Variants in EYS observed in about 807,000 individuals in gnomAD.
EYS encodes the protein protein eyes shut homolog.
Under a neutral mutation model 282.1 loss-of-function variants are expected in EYS, and 250 were observed. That is an observed-to-expected ratio of 0.89 (90% confidence interval 0.80 to 0.98). The LOEUF (loss-of-function observed/expected upper bound fraction) is 0.98, where lower values mean the gene tolerates loss of function less well. Among genes scored for constraint, EYS ranks in the 50% least tolerant of loss-of-function variants. The probability of loss-of-function intolerance (pLI) is 0.00; values close to 1 mark genes in which losing one functional copy is unlikely to be tolerated. For missense variants in EYS, 4,016 were observed against 3,709.0 expected (o/e 1.08, Z -2.15); for synonymous variants, 1,355 against 1,282.9 (o/e 1.06, Z -1.20).
chr6:64,230,960 A>C, intron 30 of EYS, 136 bp from the exon 31 acceptor site: 1 of 504,250 alleles, frequency 2.0e-6, no homozygotes, highest in Non-Finnish European at 3.5e-6. Flanking sequence ...AGGACAAATA[A>C]AATTATCATG....
chr6:64,363,814 G>T (rs766658872), intron 29 of EYS, among the ~76,000 whole-genome samples: 2 of 151,706 alleles, frequency 1.3e-5, no homozygotes, highest in African/African-American at 4.8e-5. Flanking sequence ...AAATAAATGC[G>T]AACAACATCA....
At chr6:65,017,002 C>T (rs1772077509) in intron 13 of EYS, among the ~76,000 whole-genome samples, 1 of 152,134 alleles carries the variant, frequency 6.6e-6, no homozygotes, top group South Asian at 2.1e-4. Flanking sequence ...TGCTATCTAT[C>T]ATCTAGAAAT....
At chr6:64,336,808 G>T (rs1047486353) in intron 29 of EYS, among the ~76,000 whole-genome samples, 1 of 151,936 alleles carries the variant, frequency 6.6e-6, no homozygotes, top group African/African-American at 2.4e-5. Flanking sequence ...AACTGGAAAT[G>T]AACTCTGAAA....
At chr6:65,398,095 G>A (rs1766356365) in intron 7 of EYS, among the ~76,000 whole-genome samples, 1 of 151,812 alleles carries the variant, frequency 6.6e-6, no homozygotes, top group African/African-American at 2.4e-5. Flanking sequence ...TGACTTTTTA[G>A]TGGGGTTATT....
chr6:65,127,462 T>A (rs1241045067), intron 12 of EYS, among the ~76,000 whole-genome samples: 6 of 152,058 alleles, frequency 3.9e-5, no homozygotes, highest in Non-Finnish European at 8.8e-5. Context: ...CAAAATACAA[T>A]AAACAAACTA....
intron 28 of EYS, among the ~76,000 whole-genome samples, chr6:64,416,425 T>C (rs1176687304): frequency 6.6e-6 from 1 of 152,114 alleles, no homozygotes; most frequent in Non-Finnish European, 1.5e-5. Context: ...AGTAAACCAC[T>C]CAATTTCTGA....
chr6:64,206,883 C>T (rs1457954927), intron 31 of EYS, among the ~76,000 whole-genome samples: 6 of 151,964 alleles, frequency 3.9e-5, no homozygotes, highest in South Asian at 2.1e-4. Flanking sequence ...CATATATTTG[C>T]GTCATGGGAG....
intron 2 of EYS, among the ~76,000 whole-genome samples, chr6:65,626,648 G>A (rs549058344): frequency 5.9e-5 from 9 of 152,170 alleles, no homozygotes; most frequent in East Asian, 1.9e-4. Context: ...CCATGGACCC[G>A]AATAAGGAGT....
At chr6:65,415,995 G>A (rs975961211) in intron 5 of EYS, among the ~76,000 whole-genome samples, 5 of 152,002 alleles carry the variant, frequency 3.3e-5, no homozygotes, top group East Asian at 1.9e-4. Context: ...GGGTTACAAC[G>A]CGAGGAGAGA....
intron 19 of EYS, among the ~76,000 whole-genome samples, chr6:64,847,981 C>T (rs906719495): frequency 2.0e-5 from 3 of 151,948 alleles, no homozygotes; most frequent in African/African-American, 4.8e-5. Context: ...AATATGTGTG[C>T]CATTCTGTTT....
rs1766399494 is a variant in EYS, at chr6:64,591,234, C to T, written c.4633G>A (p.Ala1545Thr). 2 of 1,551,252 alleles carry T rather than the reference C, an allele frequency of 1.3e-6. No homozygotes were observed. Among genetic ancestry groups the T allele is most frequent in the Non-Finnish European group, 1.7e-6 (2 of 1,146,824 alleles). Reference protein sequence around the residue: ...NQRLTNIKSQAADSLRELSQT... With the variant: ...NQRLTNIKSQTADSLRELSQT... Reference sequence around the variant, plus strand: ...CTTAATTCTCTTAAAGAATCAGCAGCCTGTGATTTGATGTTTGTGAGTCTC... The same window carrying T: ...CTTAATTCTCTTAAAGAATCAGCAGTCTGTGATTTGATGTTTGTGAGTCTC... Residue 1545 changes from alanine to threonine, a missense_variant, in exon 26 of 43, where the codon GCT becomes ACT. Ala to Thr is a moderately conservative substitution (Grantham distance 58). Transcript: ENST00000503581.
At chr6:64,096,903 A>C (rs1033995321) in intron 31 of EYS, among the ~76,000 whole-genome samples, 1 of 152,002 alleles carries the variant, frequency 6.6e-6, no homozygotes. Flanking sequence ...TTGGTGTTTG[A>C]TGATGGTGAC....
At chr6:65,443,013 T>A (rs1236089868) in intron 5 of EYS, among the ~76,000 whole-genome samples, 1 of 148,256 alleles carries the variant, frequency 6.7e-6, no homozygotes, top group African/African-American at 2.4e-5. Flanking sequence ...TGTACACATA[T>A]CTGTAAATAT....
At chr6:65,542,101 T>C (rs1325304730) in intron 2 of EYS, among the ~76,000 whole-genome samples, 1 of 152,166 alleles carries the variant, frequency 6.6e-6, no homozygotes, top group African/African-American at 2.4e-5. Flanking sequence ...TTAACTTCAT[T>C]TATTCTAAAT....
chr6:64,803,264 A>T (rs1764315317), intron 22 of EYS, among the ~76,000 whole-genome samples: 1 of 151,776 alleles, frequency 6.6e-6, no homozygotes, highest in African/African-American at 2.4e-5. Context: ...CCTCCTTTTC[A>T]TAGGCAGGTT....
At chr6:65,625,620 C>T (rs1483848246) in intron 2 of EYS, among the ~76,000 whole-genome samples, 2 of 152,150 alleles carry the variant, frequency 1.3e-5, no homozygotes, top group African/African-American at 2.4e-5. Context: ...ATAATTATAA[C>T]ATACATGTTT....
chr6:64,952,470 AC>A (rs1225138930), intron 14 of EYS, among the ~76,000 whole-genome samples: 1 of 152,054 alleles, frequency 6.6e-6, no homozygotes, highest in Non-Finnish European at 1.5e-5. Flanking sequence ...TAGTAAGACA[AC>A]CATAAATTTT....
At chr6:63,800,964 A>T (rs999127547) in intron 37 of EYS, among the ~76,000 whole-genome samples, 1 of 152,328 alleles carries the variant, frequency 6.6e-6, no homozygotes, top group Admixed American at 6.5e-5. Context: ...CAGTCACATG[A>T]CACAGGATGT....
At chr6:63,814,498 C>G (rs1771127897) in intron 36 of EYS, among the ~76,000 whole-genome samples, 1 of 152,142 alleles carries the variant, frequency 6.6e-6, no homozygotes, top group Non-Finnish European at 1.5e-5. Flanking sequence ...TTAATTACTA[C>G]CATTCTAACT....
Sources: gnomAD v4.1 joint callset for allele counts (sites outside exome capture counted in the v4.1 genomes callset) on GRCh38, gnomAD v4.1.1 for gene constraint, MANE v1.5 for transcripts, NCBI Gene and HGNC (gene_info 2026-07-23, HGNC 2026-07-21) for gene names.